The following CAPN11 variants were observed in gnomAD, a reference collection of about 807,000 sequenced individuals.
The protein encoded by CAPN11 is calpain 11.
CAPN11 carries 108 observed loss-of-function variants against 105.3 expected under a neutral mutation model. The observed-to-expected ratio is 1.03, with a 90% CI of 0.88 to 1.20. The LOEUF is 1.20. CAPN11 is among the 50% of genes most tolerant of loss of function. The pLI is 0.00. For missense variants in CAPN11, 883 were observed against 924.8 expected (o/e 0.95, Z 0.59); for synonymous variants, 329 against 344.5 (o/e 0.96, Z 0.50).
chr6:44,183,974 C>T lies in CAPN11; in HGVS notation c.*42C>T, dbSNP rs1582895123. 1 of 1,551,052 alleles carries T rather than the reference C, an allele frequency of 6.4e-7. No homozygotes were observed. ...TGGTCATCTCTACCAGCAGCAGCAGCAGCGAGGTTCTAGCCCAGGAGGGTG... is the reference window on the plus strand; with the variant it reads ...TGGTCATCTCTACCAGCAGCAGCAGTAGCGAGGTTCTAGCCCAGGAGGGTG... On this transcript the variant is annotated 3_prime_UTR_variant, in exon 23 of 23. Coordinates refer to ENST00000398776, the MANE Select transcript of CAPN11 (RefSeq NM_007058.4).
chr6:44,176,722 G>T, intron 10 of CAPN11, 67 bp downstream of exon 10: 3 of 1,562,174 alleles, frequency 1.9e-6, no homozygotes, highest in South Asian at 1.2e-5. Context: ...TCCCTGCTCC[G>T]CTCCTCTCTG....
At chr6:44,169,790 C>A in intron 3 of CAPN11, 116 bp from the exon 4 acceptor site, 2 of 870,936 alleles carry the variant, frequency 2.3e-6, no homozygotes, top group Non-Finnish European at 3.7e-6. Context: ...CCTCTCCCTG[C>A]CCCTCATATC....
intron 12 of CAPN11, among the ~76,000 whole-genome samples, chr6:44,177,933 C>T (rs1480101020): frequency 6.6e-6 from 1 of 152,136 alleles, no homozygotes; most frequent in Admixed American, 6.5e-5. Context: ...TTACGGCTCA[C>T]AGCGGCCCTG....
intron 4 of CAPN11, 80 bp from the exon 5 acceptor site, chr6:44,172,221 CT>C: frequency 2.3e-6 from 2 of 871,560 alleles, no homozygotes; most frequent in Non-Finnish European, 3.5e-6. Flanking sequence ...CAAGTTCCTG[CT>C]CCCCTAGGCC....
chr6:44,183,784 A>C lies in CAPN11; in HGVS notation c.2193+21A>C, dbSNP rs1266761891. 4 of 1,611,768 alleles carry C rather than the reference A, an allele frequency of 2.5e-6. No individual in the cohort carries two copies. In the African/African-American group the frequency reaches 4.0e-5, roughly 16 times the overall value. On this transcript the variant is annotated intron_variant, in intron 22 of 22. Transcript: ENST00000398776. ...AACAGGTACTTGGAGAAGGGTGGGA[A>C]GGAATCTGCAGGATTGCACCTGCCT...
intron 11 of CAPN11, 119 bp from the exon 12 acceptor site, chr6:44,177,123 A>C (rs1468853856): frequency 6.8e-7 from 1 of 1,473,766 alleles, no homozygotes; most frequent in Non-Finnish European, 9.2e-7. Context: ...GGTTAGTCAG[A>C]TTTCACAGCC....
chr6:44,179,853 C>T (rs941148270), intron 13 of CAPN11, 99 bp from the exon 14 acceptor site: 1 of 1,013,026 alleles, frequency 9.9e-7, no homozygotes, highest in East Asian at 2.4e-5. Flanking sequence ...GGTGGTGGCA[C>T]CTACCTCCAA....
rs138291349 is a variant in CAPN11, at chr6:44,177,632, G to A, written c.1416+212G>A. On this transcript the variant is annotated intron_variant, in intron 12 of 22. Coordinates refer to ENST00000398776, the MANE Select transcript of CAPN11 (RefSeq NM_007058.4). ...CCTTCCCAGTAGCTGGATTACAGAC[G>A]TGCACCACCATGCCCAGCTAATTTT... 1,048 of 557,958 alleles carry A rather than the reference G, an allele frequency of 1.9e-3. 6 individuals are homozygous for A. The highest frequency in any genetic ancestry group is 0.018 in the African/African-American group (938 of 52,876). The allele number at this position is 557,958 out of a possible 1,614,324, so 34.6% of individuals were successfully genotyped here.
Position 44,166,542 on chromosome 6 carries a change from C to T in CAPN11, c.17-216C>T, listed in dbSNP as rs151200574. Among the ~76,000 whole-genome samples the T allele has an allele frequency of 1.1e-3, 168 of 152,266 alleles. 3 individuals are homozygous for T. The East Asian group carries it at 0.022, about 20-fold the overall frequency. ...CTCAGGGGAGGAGGACTAACTGAGA[C>T]CTCCTGCTCTTGCTTCTGGGGGACT... On this transcript the variant is annotated intron_variant, in intron 1 of 22. Coordinates refer to ENST00000398776, the MANE Select transcript of CAPN11 (RefSeq NM_007058.4).
In CAPN11 at chr6:44,179,605, TCTTCC is replaced by T; in HGVS notation, c.1417-7_1417-3del. On this transcript the variant is annotated splice_polypyrimidine_tract_variant and intron_variant, in intron 12 of 22. Transcript: ENST00000398776. Reference sequence around the variant, plus strand: ...ACCCTAGAGATCTGACTCTCCTCTTTCTTCCCTTCCCAGGTCCCAAAAGAGGTACA... The same window carrying T: ...ACCCTAGAGATCTGACTCTCCTCTTTCTTCCCAGGTCCCAAAAGAGGTACA... 1 of 1,613,010 alleles carries T rather than the reference TCTTCC, an allele frequency of 6.2e-7. No individual in the cohort carries two copies.
chr6:44,181,391 G>A, intron 19 of CAPN11, 71 bp downstream of exon 19: 1 of 1,219,564 alleles, frequency 8.2e-7, no homozygotes, highest in Non-Finnish European at 1.2e-6. Flanking sequence ...GAACTAATGA[G>A]GGGAAGCTAG....
At chr6:44,180,719 C>T (rs769064210) in intron 16 of CAPN11, 29 bp from the exon 17 acceptor site, 14 of 1,613,292 alleles carry the variant, frequency 8.7e-6, no homozygotes, top group South Asian at 6.6e-5. Flanking sequence ...TGGAGGGGCC[C>T]GAGTGGGGTT....
chr6:44,161,626 G>A (rs1267303231), intron 1 of CAPN11, among the ~76,000 whole-genome samples: 1 of 152,154 alleles, frequency 6.6e-6, no homozygotes, highest in Non-Finnish European at 1.5e-5. Flanking sequence ...GGGTTTGGGG[G>A]CCAGACAGTG....
rs968999562 is a variant in CAPN11, at chr6:44,183,630, A to T, written c.2135-75A>T. The T allele has an allele frequency of 2.9e-6, 4 of 1,398,650 alleles. No homozygotes were observed. In the African/African-American group the frequency reaches 4.3e-5, roughly 15 times the overall value. The allele number at this position is 1,398,650 out of a possible 1,614,324, so 86.6% of individuals were successfully genotyped here. A position where few individuals can be genotyped will look rare whatever the true frequency, so the allele number is the denominator to read the frequency against. ...GGAACACCTGGTGTCGCCCCTTCCT[A>T]CCTAGTTGGGAGTGGTTCTTTCGGA... On this transcript the variant is annotated intron_variant, in intron 21 of 22. Transcript: ENST00000398776.
At chr6:44,179,782 G>C in intron 13 of CAPN11, 152 bp downstream of exon 13, 1 of 944,914 alleles carries the variant, frequency 1.1e-6, no homozygotes, top group East Asian at 2.4e-5. Context: ...TAGGGGTCGG[G>C]AAAGGAAGAG....
Position 44,176,257 on chromosome 6 carries a change from A to T in CAPN11, c.920A>T (p.His307Leu), listed in dbSNP as rs747460409. Residue 307 changes from histidine to leucine, a missense_variant, in exon 9 of 23, where the codon CAC becomes CTC. Physicochemically the swap from His to Leu is moderately conservative, Grantham distance 99. Transcript: ENST00000398776. ...TAACCACCCCCGCCCACCCAGGTCC[A>T]CTACAGAGGCAAAATGGAAACACTG... ...AYSVTGLQDV[H>L]YRGKMETLIR... 1.2e-6 allele frequency: 2 copies of T among 1,606,568 alleles called. No homozygotes were observed. Among genetic ancestry groups the T allele is most frequent in the East Asian group, 4.5e-5 (2 of 44,780 alleles).
intron 16 of CAPN11, 43 bp downstream of exon 16, chr6:44,180,705 G>C: frequency 1.9e-6 from 3 of 1,613,524 alleles, no homozygotes; most frequent in Non-Finnish European, 2.5e-6. Context: ...GGGGGATGAG[G>C]GGCTGGAGGG....
At chr6:44,160,451 A>T (rs1018538546) in intron 1 of CAPN11, among the ~76,000 whole-genome samples, 1 of 151,832 alleles carries the variant, frequency 6.6e-6, no homozygotes, top group East Asian at 1.9e-4. Flanking sequence ...CCCTGTCTCT[A>T]CTAAAAATAC....
intron 5 of CAPN11, 91 bp from the exon 6 acceptor site, chr6:44,172,849 C>T: frequency 7.1e-7 from 1 of 1,402,366 alleles, no homozygotes; most frequent in Non-Finnish European, 9.7e-7. Context: ...GAGAGTGGAG[C>T]CTCTGACACT....
Sources: gnomAD v4.1 joint callset for allele counts (sites outside exome capture counted in the v4.1 genomes callset) on GRCh38, gnomAD v4.1.1 for gene constraint, MANE v1.5 for transcripts, NCBI Gene and HGNC (gene_info 2026-07-23, HGNC 2026-07-21) for gene names.